The following STK11IP variants were observed in gnomAD, a reference collection of about 807,000 sequenced individuals.
STK11IP encodes serine/threonine-protein kinase 11-interacting protein.
Under a neutral mutation model 131.7 loss-of-function variants are expected in STK11IP, and 103 were observed. The ratio of observed to expected loss-of-function variants is 0.78; its 90% CI spans 0.67 to 0.92. STK11IP has a LOEUF of 0.92. STK11IP is among the 40% of genes least tolerant of loss of function. The pLI, the probability that STK11IP is intolerant of heterozygous loss-of-function variation, is 0.00. For synonymous variants in STK11IP, 557 were observed against 575.6 expected, an observed-to-expected ratio of 0.97 and a Z score of 0.46; for missense variants, 1,315 against 1,385.7, an observed-to-expected ratio of 0.95 and a Z score of 0.81.
chr2:219,605,466 A>G (rs1698119477), intron 7 of STK11IP, 142 bp from the exon 8 acceptor site: 4 of 737,658 alleles, frequency 5.4e-6, no homozygotes, highest in Admixed American at 2.5e-5. Flanking sequence ...ACGTGGGAGT[A>G]GGGGTGGATG....
chr2:219,601,674 C>G lies in STK11IP; in HGVS notation c.301C>G (p.Pro101Ala). 6.2e-7 allele frequency: 1 copy of G among 1,601,482 alleles called. No homozygotes were observed. ...TGTTGCTGGTCCTGGCCCCACAGGG[C>G]CCATCAAGATTTTCCCCTTCAAATC... ...VHVAGPGPTGPIKIFPFKSLR... is the reference protein window; with the variant it reads ...VHVAGPGPTGAIKIFPFKSLR... The change falls in exon 4 of 25, where the codon CCC (proline) becomes GCC (alanine). Residue 101 changes from proline (P) to alanine (A), a missense_variant. Physicochemically the swap from Pro to Ala is conservative, Grantham distance 27 (BLOSUM62 -1). Transcript: ENST00000456909.
At chr2:219,606,959 G>T in intron 12 of STK11IP, 94 bp from the exon 13 acceptor site, 1 of 1,596,758 alleles carries the variant, frequency 6.3e-7, no homozygotes, top group African/African-American at 1.3e-5. Flanking sequence ...GCTTGCACGT[G>T]GTCAAGGTTT....
Position 219,616,043 on chromosome 2 carries a change from G to C in STK11IP, c.3118-1G>C, listed in dbSNP as rs1450045151. 1.9e-6 allele frequency: 3 copies of C among 1,613,362 alleles called. No individual in the cohort carries two copies. The highest frequency in any genetic ancestry group is 1.3e-5 in the African/African-American group (1 of 74,932). ...GCCTTGCTAACTGCTCGGTCTGCCA[G>C]GTGTCCCGGCTGGAGAGCTTTTGGG... On this transcript the variant is annotated splice_acceptor_variant, in intron 24 of 24. Coordinates refer to ENST00000456909, the MANE Select transcript of STK11IP (RefSeq NM_052902.4). LOFTEE classifies it high-confidence loss of function.
chr2:219,601,693 T>A lies in STK11IP; in HGVS notation c.320T>A (p.Phe107Tyr). 6.2e-7 allele frequency: 1 copy of A among 1,606,600 alleles called. No individual in the cohort carries two copies. Among genetic ancestry groups the A allele is most frequent in the Non-Finnish European group, 8.5e-7 (1 of 1,176,142 alleles). ...ACAGGGCCCATCAAGATTTTCCCCTTCAAATCCCTTCGGCACCTGGAGGTA... is the reference window on the plus strand; with the variant it reads ...ACAGGGCCCATCAAGATTTTCCCCTACAAATCCCTTCGGCACCTGGAGGTA... ...GPTGPIKIFP[F>Y]KSLRHLELRG... Residue 107 changes from phenylalanine (F) to tyrosine (Y), a missense_variant, in exon 4 of 25, where the codon TTC becomes TAC. Transcript: ENST00000456909.
At chr2:219,612,968 G>A in intron 19 of STK11IP, 160 bp from the exon 20 acceptor site, 1 of 610,014 alleles carries the variant, frequency 1.6e-6, no homozygotes, top group Non-Finnish European at 3.0e-6. Context: ...GAGCGGTGGT[G>A]GATGAAGAGG....
In STK11IP at chr2:219,608,762, C is replaced by G. The variant is rs750094204; in HGVS notation, c.1783C>G (p.Gln595Glu). 1 of 1,609,596 alleles carries G rather than the reference C, an allele frequency of 6.2e-7. No individual in the cohort carries two copies. The highest frequency in any genetic ancestry group is 1.7e-5 in the Admixed American group (1 of 59,362). The change falls in exon 15 of 25, where the codon CAG becomes GAG. Residue 595 changes from glutamine (Q) to glutamate (E), a missense_variant. Gln to Glu is a conservative substitution (Grantham distance 29, BLOSUM62 2). Transcript: ENST00000456909. ...LEAAEIEPEAQAQRSPRPTGS... is the reference protein window; with the variant it reads ...LEAAEIEPEAEAQRSPRPTGS... ...GGCAGCTGAGATAGAGCCGGAGGCC[C>G]AGGCCCAGAGGTCGCCCAGGCCCAC...
In STK11IP at chr2:219,606,761, C is replaced by T; in HGVS notation, c.1037C>T (p.Pro346Leu). 2 of 1,613,780 alleles carry T rather than the reference C, an allele frequency of 1.2e-6. No homozygotes were observed. The highest frequency in any genetic ancestry group is 1.7e-6 in the Non-Finnish European group (2 of 1,179,816). Residue 346 changes from proline to leucine, a missense_variant, in exon 12 of 25, where the codon CCA becomes CTA. By Grantham distance (98) the Pro-to-Leu change is moderately conservative. Coordinates refer to ENST00000456909, the MANE Select transcript of STK11IP (RefSeq NM_052902.4). ...LSPMGPPLPW[P>L]VGSTPETSGG... is the part of the protein sequence containing the mutation. Reference sequence around the variant, plus strand: ...CCCATGGGCCCACCTTTGCCCTGGCCAGTGGGGAGTACTCCTGAAACCTCA... The same window carrying T: ...CCCATGGGCCCACCTTTGCCCTGGCTAGTGGGGAGTACTCCTGAAACCTCA...
chr2:219,613,138 C>T lies in STK11IP; in HGVS notation c.2450C>T (p.Ala817Val). Reference protein sequence around the residue: ...EFQCCLKVPVALAGHTGEFMC... With the variant: ...EFQCCLKVPVVLAGHTGEFMC... ...TTCCTCTTCCCCCAGGTGCCAGTGG[C>T]ATTGGCAGGCCACACTGGGGAGTTC... The change falls in exon 20 of 25, where the codon GCA (alanine) becomes GTA (valine). Residue 817 changes from alanine to valine, a missense_variant. Physicochemically the swap from Ala to Val is moderately conservative, Grantham distance 64. Coordinates refer to ENST00000456909, the MANE Select transcript of STK11IP (RefSeq NM_052902.4). 1 of 1,611,694 alleles carries T rather than the reference C, an allele frequency of 6.2e-7. No homozygotes were observed. The highest frequency in any genetic ancestry group is 8.5e-7 in the Non-Finnish European group (1 of 1,179,164).
rs1340666437 is a variant in STK11IP at position 219,606,841 on chromosome 2, C to T, written c.1117C>T (p.Leu373=). The T allele has an allele frequency of 6.2e-7, 1 of 1,612,278 alleles. No individual in the cohort carries two copies. Among genetic ancestry groups the T allele is most frequent in the Non-Finnish European group, 8.5e-7 (1 of 1,179,026 alleles). Residue 373 remains leucine (L), a synonymous_variant, in exon 12 of 25, where the codon CTG becomes TTG. Transcript: ENST00000456909. ...LSSGGVVTQP[L]LHKVKSRVRV... The stretch of plus-strand genomic sequence containing the variant: ...CTCAGGGGGTGTTGTGACCCAGCCC[C>T]TGCTTCATAAGGTTAAGGTAAGCAG...
At chr2:219,609,293 C>CG (rs762666323) in intron 16 of STK11IP, 70 bp from the exon 17 acceptor site, 4 of 1,582,450 alleles carry the variant, frequency 2.5e-6, no homozygotes, top group African/African-American at 2.7e-5. Flanking sequence ...GCCTGAGGGC[C>CG]GGGGGCCTGT....
chr2:219,602,678 T>G (rs749547011), intron 6 of STK11IP, 27 bp from the exon 7 acceptor site: 2 of 1,613,426 alleles, frequency 1.2e-6, no homozygotes. Flanking sequence ...GAACATCGAT[T>G]CTCTGCCTCC....
At chr2:219,598,029 G>A (rs1264944863) in intron 1 of STK11IP, 65 bp from the exon 2 acceptor site, 23 of 1,570,608 alleles carry the variant, frequency 1.5e-5, no homozygotes, top group Non-Finnish European at 1.9e-5. Flanking sequence ...GGTTTGCGCG[G>A]ACGCCCTGGG....
chr2:219,597,958 G>T, intron 1 of STK11IP, 35 bp downstream of exon 1: 1 of 1,610,154 alleles, frequency 6.2e-7, no homozygotes, highest in Non-Finnish European at 8.5e-7. Flanking sequence ...CCTCGAAAGG[G>T]CGGCCAGGAG....
chr2:219,601,125 A>C, intron 2 of STK11IP, 110 bp from the exon 3 acceptor site: 5 of 801,860 alleles, frequency 6.2e-6, no homozygotes, highest in Non-Finnish European at 9.8e-6. Context: ...CTGCAATAGA[A>C]GATCTACAAT....
rs752400658 is a variant in STK11IP, at chr2:219,616,160, A to C, written c.3234A>C (p.Thr1078=). 5.0e-6 allele frequency: 8 copies of C among 1,613,718 alleles called. No individual in the cohort carries two copies. Among genetic ancestry groups the C allele is most frequent in the Non-Finnish European group, 5.9e-6 (7 of 1,179,872 alleles). ...AGCTGTTTTCCATCGGACTCCGGAC[A>C]GTGATCCAAGAGGCGCTGGCCCTTG... ...WEELFSIGLR[T]VIQEALALDR is the part of the protein sequence containing the mutation. Residue 1078 remains threonine (T), a synonymous_variant, in exon 25 of 25, where the codon ACA becomes ACC. Transcript: ENST00000456909.
chr2:219,606,076 T>C lies in STK11IP; in HGVS notation c.849+17T>C, dbSNP rs374990857. Reference sequence around the variant, plus strand: ...CTCCGCAAGGTGAGATGGGAATGCATCAGGGGCCTGGGAACCACCCTTGCA... The same window carrying C: ...CTCCGCAAGGTGAGATGGGAATGCACCAGGGGCCTGGGAACCACCCTTGCA... On this transcript the variant is annotated intron_variant, in intron 9 of 24. Coordinates refer to ENST00000456909, the MANE Select transcript of STK11IP (RefSeq NM_052902.4). The C allele has an allele frequency of 7.6e-6, 12 of 1,582,592 alleles. No homozygotes were observed. The African/African-American group carries it at 1.6e-4, about 21-fold the overall frequency.
At chr2:219,605,497 G>A in intron 7 of STK11IP, 111 bp from the exon 8 acceptor site, 1 of 1,008,868 alleles carries the variant, frequency 9.9e-7, no homozygotes, top group Non-Finnish European at 1.5e-6. Flanking sequence ...TGCTGAGTGT[G>A]TGCAGTTTTA....
At chr2:219,613,707 C>G in intron 20 of STK11IP, 45 bp from the exon 21 acceptor site, 1 of 1,611,082 alleles carries the variant, frequency 6.2e-7, no homozygotes, top group Non-Finnish European at 8.5e-7. Context: ...GGGACTCTCA[C>G]TCCACTCTCA....
In STK11IP at chr2:219,608,287, C is replaced by T; in HGVS notation, c.1460C>T (p.Ser487Leu). The T allele has an allele frequency of 6.2e-7, 1 of 1,612,368 alleles. No homozygotes were observed. Among genetic ancestry groups the T allele is most frequent in the Non-Finnish European group, 8.5e-7 (1 of 1,179,416 alleles). Reference protein sequence around the residue: ...RGPQESPQKMSEEVRAEPQEE... With the variant: ...RGPQESPQKMLEEVRAEPQEE... ...CCCCAGGAGTCACCACAGAAAATGT[C>T]AGAGGAGGTCAGGGCGGAGCCACAG... The change falls in exon 14 of 25, where the codon TCA (serine) becomes TTA (leucine). Residue 487 changes from serine to leucine, a missense_variant. Physicochemically the swap from Ser to Leu is moderately radical, Grantham distance 145. Transcript: ENST00000456909.
Sources: gnomAD v4.1 joint callset for allele counts on GRCh38, gnomAD v4.1.1 for gene constraint, MANE v1.5 for transcripts, NCBI Gene and HGNC (gene_info 2026-07-23, HGNC 2026-07-21) for gene names.